Variants in FNIP1 observed in about 807,000 individuals in gnomAD.
FNIP1 encodes folliculin-interacting protein 1.
FNIP1 carries 40 observed loss-of-function variants against 124.5 expected under a neutral mutation model. That is an observed-to-expected ratio of 0.32 (90% CI 0.25 to 0.42). The LOEUF (loss-of-function observed/expected upper bound fraction) is 0.42, where lower values mean the gene tolerates loss of function less well. Among genes scored for constraint, FNIP1 ranks in the 10% least tolerant of loss-of-function variants. The probability of loss-of-function intolerance (pLI) is 1.00; values close to 1 mark genes in which losing one functional copy is unlikely to be tolerated. For synonymous variants in FNIP1, 472 were observed against 470.6 expected, an observed-to-expected ratio of 1.00 and a Z score of -0.04; for missense variants, 1,176 against 1,403.7, an observed-to-expected ratio of 0.84 and a Z score of 2.59.
At chr5:131,770,720 C>T (rs1420443700) in intron 1 of FNIP1, among the ~76,000 whole-genome samples, 2 of 152,136 alleles carry the variant, frequency 1.3e-5, no homozygotes, top group Non-Finnish European at 2.9e-5. Flanking sequence ...AGTAAGACTA[C>T]CTCTAAGATT....
At chr5:131,729,663 G>C (rs532201087) in intron 3 of FNIP1, among the ~76,000 whole-genome samples, 1 of 152,082 alleles carries the variant, frequency 6.6e-6, no homozygotes, top group Non-Finnish European at 1.5e-5. Flanking sequence ...CCACATCCTA[G>C]AACTTCTGGG....
chr5:131,677,951 A>G, intron 12 of FNIP1, 79 bp from the exon 13 acceptor site: 1 of 1,469,188 alleles, frequency 6.8e-7, no homozygotes, highest in Non-Finnish European at 9.2e-7. Context: ...AAAGTAAGCA[A>G]GGGGAGTATA....
At chr5:131,686,064 T>A (rs1768264155) in intron 11 of FNIP1, among the ~76,000 whole-genome samples, 1 of 152,156 alleles carries the variant, frequency 6.6e-6, no homozygotes, top group Middle Eastern at 3.2e-3. Context: ...TTAGGGATAA[T>A]AAATAACCAA....
In FNIP1 at chr5:131,717,341, T is replaced by C. The variant is rs556709221; in HGVS notation, c.531-685A>G. 4.6e-5 allele frequency among the ~76,000 whole-genome samples: 7 copies of C among 152,332 alleles called. No homozygotes were observed. In the East Asian group the frequency reaches 1.2e-3, roughly 25 times the overall value. On this transcript the variant is annotated intron_variant, in intron 5 of 17. Transcript: ENST00000510461. ...CTCATCCTTTTTTATGGCTGCATAGTAGTCCATGGTGTATATGCGCCACAT... is the reference window on the plus strand; with the variant it reads ...CTCATCCTTTTTTATGGCTGCATAGCAGTCCATGGTGTATATGCGCCACAT...
chr5:131,705,524 T>C (rs1769078322), intron 9 of FNIP1, among the ~76,000 whole-genome samples: 1 of 151,896 alleles, frequency 6.6e-6, no homozygotes, highest in South Asian at 2.1e-4. Flanking sequence ...TAAATGCAAA[T>C]AAAATCCACA....
chr5:131,724,680 C>A (rs1204211414), intron 3 of FNIP1, among the ~76,000 whole-genome samples: 1 of 152,150 alleles, frequency 6.6e-6, no homozygotes, highest in Non-Finnish European at 1.5e-5. Context: ...ATGATAGTTT[C>A]TTTTGCTGTG....
At chr5:131,739,812 CAAAAAA>C in intron 2 of FNIP1, among the ~76,000 whole-genome samples, 1 of 31,378 alleles carries the variant, frequency 3.2e-5, no homozygotes, top group Admixed American at 2.9e-4. Flanking sequence ...GACTCCAGCT[CAAAAAA>C]AAAAAAAAAA....
chr5:131,729,568 C>A (rs1001102736), intron 3 of FNIP1, among the ~76,000 whole-genome samples: 1 of 152,180 alleles, frequency 6.6e-6, no homozygotes, highest in Non-Finnish European at 1.5e-5. Context: ...GGCCATCTTG[C>A]CAGCCACCCT....
intron 2 of FNIP1, among the ~76,000 whole-genome samples, chr5:131,732,488 T>C (rs1482979080): frequency 2.6e-5 from 4 of 152,306 alleles, no homozygotes; most frequent in Non-Finnish European, 4.4e-5. Flanking sequence ...CTTTAATCCA[T>C]CTTGAATTAA....
intron 9 of FNIP1, 120 bp from the exon 10 acceptor site, chr5:131,704,386 A>T: frequency 1.3e-6 from 1 of 741,282 alleles, no homozygotes; most frequent in Non-Finnish European, 2.2e-6. Flanking sequence ...ACAAACCTAT[A>T]ATTTCATACC....
In FNIP1 at chr5:131,753,631, G is replaced by C. The variant is rs1580811858; in HGVS notation, c.93-8941C>G. 2.0e-5 allele frequency among the ~76,000 whole-genome samples: 3 copies of C among 152,286 alleles called. No individual in the cohort carries two copies. The East Asian group carries it at 5.8e-4, about 29-fold the overall frequency. On this transcript the variant is annotated intron_variant, in intron 1 of 17. Coordinates refer to ENST00000510461, the MANE Select transcript of FNIP1 (RefSeq NM_133372.3). ...GAAATGTATACTAAGGAACTTTCCA[G>C]AGTGATCAAAATGTCCTTTATCTTT... is the stretch of plus-strand genomic sequence containing the variant.
At chr5:131,726,216 G>T (rs997718401) in intron 3 of FNIP1, among the ~76,000 whole-genome samples, 1 of 152,170 alleles carries the variant, frequency 6.6e-6, no homozygotes, top group African/African-American at 2.4e-5. Context: ...CATAAAATGA[G>T]TTAGGGAGGA....
chr5:131,759,309 C>T (rs568578725), intron 1 of FNIP1, among the ~76,000 whole-genome samples: 109 of 152,068 alleles, frequency 7.2e-4, no homozygotes, highest in Non-Finnish European at 1.1e-3. Flanking sequence ...ACAGAGAAAA[C>T]AGACAACCAA....
At chr5:131,767,503 C>T (rs1400722509) in intron 1 of FNIP1, among the ~76,000 whole-genome samples, 2 of 144,180 alleles carry the variant, frequency 1.4e-5, no homozygotes, top group Non-Finnish European at 3.0e-5. Flanking sequence ...GACAAGACAT[C>T]ATTTTGTACC....
chr5:131,745,773 T>TCA (rs1770657214), intron 1 of FNIP1, among the ~76,000 whole-genome samples: 1 of 152,128 alleles, frequency 6.6e-6, no homozygotes, highest in South Asian at 2.1e-4. Context: ...AGACAATGAC[T>TCA]CACACACACA....
intron 1 of FNIP1, among the ~76,000 whole-genome samples, chr5:131,751,685 G>A (rs1402925841): frequency 6.6e-6 from 1 of 152,068 alleles, no homozygotes; most frequent in Non-Finnish European, 1.5e-5. Context: ...TGGAGTATTT[G>A]GCCATAAAAA....
chr5:131,725,799 C>G (rs1580787603), intron 3 of FNIP1, among the ~76,000 whole-genome samples: 1 of 152,080 alleles, frequency 6.6e-6, no homozygotes, highest in South Asian at 2.1e-4. Flanking sequence ...ATGCTTCCAG[C>G]GTTTGCCCAT....
At chr5:131,689,468 T>C (rs1022125460) in intron 11 of FNIP1, among the ~76,000 whole-genome samples, 40 of 152,146 alleles carry the variant, frequency 2.6e-4, no homozygotes, top group Admixed American at 3.3e-4. Flanking sequence ...AAAATGACAA[T>C]ATATTGAATG....
chr5:131,735,350 C>T (rs560779875), intron 2 of FNIP1, among the ~76,000 whole-genome samples: 13 of 152,004 alleles, frequency 8.6e-5, no homozygotes, highest in Middle Eastern at 3.4e-3. Context: ...AGGAGATATA[C>T]CTCATGTAAA....
Sources: allele counts gnomAD v4.1 joint callset (sites outside exome capture counted in the v4.1 genomes callset), GRCh38; gene constraint gnomAD v4.1.1; transcripts MANE v1.5; gene names NCBI Gene and HGNC (gene_info 2026-07-23, HGNC 2026-07-21).